CADM2: variants seen among roughly 807,000 people sequenced by gnomAD.
CADM2 encodes cell adhesion molecule 2.
A neutral mutation model predicts 49.8 loss-of-function variants in CADM2; 12 were observed. That is an observed-to-expected ratio of 0.24 (90% CI 0.15 to 0.39). The LOEUF (loss-of-function observed/expected upper bound fraction) is 0.39. Among genes scored for constraint, CADM2 ranks in the 10% least tolerant of loss-of-function variants. The probability of loss-of-function intolerance (pLI) is 1.00; values close to 1 mark genes in which losing one functional copy is unlikely to be tolerated. For synonymous variants in CADM2, 214 were observed against 175.4 expected (o/e 1.22, Z -1.74); for missense variants, 378 against 492.3 (o/e 0.77, Z 2.20).
At chr3:85,577,698 A>C (rs1052533846) in intron 1 of CADM2, among the ~76,000 whole-genome samples, 3 of 152,078 alleles carry the variant, frequency 2.0e-5, no homozygotes, top group African/African-American at 7.2e-5. Flanking sequence ...TTTTATTTTT[A>C]AAATTAAAAA....
At chr3:85,815,977 G>T (rs971984339) in intron 3 of CADM2, among the ~76,000 whole-genome samples, 2 of 152,034 alleles carry the variant, frequency 1.3e-5, no homozygotes, top group South Asian at 2.1e-4. Context: ...GTATGTAAAA[G>T]AAAATCTTAA....
chr3:85,907,186 G>A (rs1031437541), intron 5 of CADM2, among the ~76,000 whole-genome samples: 1 of 152,138 alleles, frequency 6.6e-6, no homozygotes, highest in Non-Finnish European at 1.5e-5. Flanking sequence ...TAGCTCACTG[G>A]TTATGGCACA....
chr3:86,000,450 G>T (rs753344253), intron 8 of CADM2, among the ~76,000 whole-genome samples: 9 of 152,064 alleles, frequency 5.9e-5, no homozygotes, highest in Non-Finnish European at 1.3e-4. Context: ...GAGCAAGATG[G>T]ATATAGTCAA....
At chr3:85,565,302 G>C (rs2062225703) in intron 1 of CADM2, among the ~76,000 whole-genome samples, 1 of 152,012 alleles carries the variant, frequency 6.6e-6, no homozygotes, top group Admixed American at 6.6e-5. Context: ...GAAGGTTTTA[G>C]AGTATTTTAA....
intron 8 of CADM2, among the ~76,000 whole-genome samples, chr3:85,995,848 G>T: frequency 6.6e-6 from 1 of 152,086 alleles, no homozygotes; most frequent in East Asian, 1.9e-4. Context: ...CCAGCACTTT[G>T]GGAGGCCAAG....
chr3:85,191,582 C>T lies in CADM2; in HGVS notation c.61+231914C>T, dbSNP rs183959899. On this transcript the variant is annotated intron_variant, in intron 1 of 9. Coordinates refer to ENST00000383699, the MANE Select transcript of CADM2 (RefSeq NM_001167675.2). ...AGCAAGTTTGGCTCCAAATAGATGA[C>T]GGTTTGACTGCAGTCACAGTGTCTA... 1.4e-4 allele frequency among the ~76,000 whole-genome samples: 22 copies of T among 152,138 alleles called. No homozygotes were observed. The South Asian group carries it at 2.3e-3, about 16-fold the overall frequency.
At chr3:86,052,814 ACT>A (rs1289078862) in intron 8 of CADM2, among the ~76,000 whole-genome samples, 1 of 152,132 alleles carries the variant, frequency 6.6e-6, no homozygotes, top group Non-Finnish European at 1.5e-5. Flanking sequence ...AAGATTAATT[ACT>A]GTTGTAATTT....
intron 8 of CADM2, among the ~76,000 whole-genome samples, chr3:86,020,357 C>T (rs9681038): frequency 0.035 from 5,386 of 151,788 alleles, 318 homozygotes; most frequent in African/African-American, 0.12. Flanking sequence ...AGCTTACCAA[C>T]CAAAAAGAGT....
intron 1 of CADM2, among the ~76,000 whole-genome samples, chr3:85,698,512 G>C (rs905116379): frequency 2.0e-5 from 3 of 152,120 alleles, no homozygotes; most frequent in Admixed American, 1.3e-4. Flanking sequence ...CTGCTTCTGG[G>C]GAAGCCTCAG....
intron 5 of CADM2, among the ~76,000 whole-genome samples, chr3:85,905,741 AC>A (rs765274314): frequency 6.6e-6 from 1 of 152,158 alleles, no homozygotes; most frequent in Non-Finnish European, 1.5e-5. Context: ...TTTATATTGA[AC>A]CTTGTGAATG....
chr3:85,686,465 T>C (rs1322905001), intron 1 of CADM2, among the ~76,000 whole-genome samples: 3 of 152,230 alleles, frequency 2.0e-5, no homozygotes, highest in Non-Finnish European at 4.4e-5. Context: ...TCTCTGACAC[T>C]ATTTTTTATG....
At chr3:85,622,401 A>G (rs1221982629) in intron 1 of CADM2, among the ~76,000 whole-genome samples, 1 of 152,164 alleles carries the variant, frequency 6.6e-6, no homozygotes, top group East Asian at 1.9e-4. Flanking sequence ...AATGCTGTAA[A>G]TCTAAGACAC....
At chr3:85,044,223 GAA>G (rs2035558798) in intron 1 of CADM2, among the ~76,000 whole-genome samples, 1 of 152,164 alleles carries the variant, frequency 6.6e-6, no homozygotes, top group Non-Finnish European at 1.5e-5. Flanking sequence ...TGGGTGAGAA[GAA>G]GCATGTTTCC....
chr3:85,747,832 A>G (rs1242472338), intron 2 of CADM2, among the ~76,000 whole-genome samples: 2 of 152,226 alleles, frequency 1.3e-5, no homozygotes, highest in East Asian at 1.9e-4. Context: ...TTACTTTTTA[A>G]TATTACTCAT....
At chr3:85,808,722 T>G (rs977033268) in intron 3 of CADM2, among the ~76,000 whole-genome samples, 3 of 152,208 alleles carry the variant, frequency 2.0e-5, no homozygotes, top group Non-Finnish European at 2.9e-5. Flanking sequence ...TTTTAAATTT[T>G]TTTAATAATC....
chr3:85,903,361 A>G lies in CADM2; in HGVS notation c.530-9012A>G, dbSNP rs140414043. On this transcript the variant is annotated intron_variant, in intron 5 of 9. Transcript: ENST00000383699. ...ACTTGTTTTAGCCCAACTTTCCTTA[A>G]CATTTCTTGTAAGGCAGGACTGCTT... 7.9e-3 allele frequency among the ~76,000 whole-genome samples: 1,195 copies of G among 151,996 alleles called. 43 individuals are homozygous for G. In the South Asian group the frequency reaches 0.093, roughly 12 times the overall value.
chr3:84,994,425 A>C (rs2033067714), intron 1 of CADM2, among the ~76,000 whole-genome samples: 1 of 152,174 alleles, frequency 6.6e-6, no homozygotes, highest in Non-Finnish European at 1.5e-5. Flanking sequence ...TCATACAGAC[A>C]GCATGATTTA....
At chr3:85,628,669 A>G (rs1419869628) in intron 1 of CADM2, among the ~76,000 whole-genome samples, 1 of 148,372 alleles carries the variant, frequency 6.7e-6, no homozygotes, top group East Asian at 2.0e-4. Flanking sequence ...ATATGTGTAT[A>G]TATACACATA....
At chr3:85,790,932 G>A (rs1047811065) in intron 2 of CADM2, among the ~76,000 whole-genome samples, 22 of 152,308 alleles carry the variant, frequency 1.4e-4, no homozygotes, top group Middle Eastern at 3.4e-3. Flanking sequence ...GGCACAGAAG[G>A]TGGATACCAG....
Sources: gnomAD v4.1 joint callset for allele counts (sites outside exome capture counted in the v4.1 genomes callset) on GRCh38, gnomAD v4.1.1 for gene constraint, MANE v1.5 for transcripts, NCBI Gene and HGNC (gene_info 2026-07-23, HGNC 2026-07-21) for gene names.